Variants in COL4A4 observed in about 807,000 individuals in gnomAD.
The protein encoded by COL4A4 is collagen type IV alpha 4 chain, also known as collagen alpha-4(IV) chain.
Under a neutral mutation model 192.9 loss-of-function variants are expected in COL4A4, and 105 were observed. That is an observed-to-expected ratio of 0.54 (90% CI 0.46 to 0.64). The LOEUF (loss-of-function observed/expected upper bound fraction) is 0.64. Ranked by LOEUF, COL4A4 falls within the 30% of genes least tolerant of loss-of-function variation. The pLI is 0.00. For missense variants in COL4A4, 1,967 were observed against 2,169.3 expected (o/e 0.91, Z 1.85); for synonymous variants, 762 against 769.9 (o/e 0.99, Z 0.17).
intron 19 of COL4A4, among the ~76,000 whole-genome samples, chr2:227,097,619 T>A (rs867244086): frequency 6.6e-6 from 1 of 152,198 alleles, no homozygotes; most frequent in Non-Finnish European, 1.5e-5. Flanking sequence ...ACAAGCCTGA[T>A]TGGAGAATTC....
chr2:227,067,623 T>G (rs1403583533), intron 25 of COL4A4, among the ~76,000 whole-genome samples: 3 of 151,714 alleles, frequency 2.0e-5, no homozygotes, highest in Non-Finnish European at 4.4e-5. Flanking sequence ...GACTACTGGG[T>G]ACATAACGAA....
intron 32 of COL4A4, 107 bp from the exon 33 acceptor site, chr2:227,051,265 A>G: frequency 8.5e-7 from 1 of 1,178,822 alleles, no homozygotes; most frequent in African/African-American, 1.5e-5. Flanking sequence ...AAAGGTATTG[A>G]GGATTCTGAT....
rs76580309 is a variant in COL4A4 at position 227,045,837 on chromosome 2, C to G, written c.3289+1638G>C. Among the ~76,000 whole-genome samples, 138 of 41,152 alleles carry G rather than the reference C, an allele frequency of 3.4e-3. 37 individuals are homozygous for G. The highest frequency in any genetic ancestry group is 0.011 in the African/African-American group (94 of 8,808). The allele number at this position is 41,152 out of a possible 152,430, so 27.0% of individuals were successfully genotyped here. On this transcript the variant is annotated intron_variant, in intron 35 of 47. Coordinates refer to ENST00000396625, the MANE Select transcript of COL4A4 (RefSeq NM_000092.5). ...ATATACACATATATATATATACACA[C>G]ATATATATATACACATATATATATA...
At chr2:227,062,306 A>G (rs1399739054) in intron 26 of COL4A4, among the ~76,000 whole-genome samples, 1 of 151,972 alleles carries the variant, frequency 6.6e-6, no homozygotes, top group African/African-American at 2.4e-5. Context: ...GGTAAATTTT[A>G]TTGTACAAAG....
At chr2:227,126,905 G>T (rs901266160) in intron 4 of COL4A4, among the ~76,000 whole-genome samples, 10 of 152,086 alleles carry the variant, frequency 6.6e-5, no homozygotes, top group Non-Finnish European at 1.5e-4. Flanking sequence ...TTTTCATAAG[G>T]TTATAATAGA....
At chr2:227,141,696 G>A (rs1025367107) in intron 3 of COL4A4, among the ~76,000 whole-genome samples, 1 of 152,104 alleles carries the variant, frequency 6.6e-6, no homozygotes, top group Admixed American at 6.5e-5. Flanking sequence ...CAAGCGATTA[G>A]ATAGTTTAAG....
At chr2:227,040,694 T>C (rs1001718431) in intron 37 of COL4A4, among the ~76,000 whole-genome samples, 3 of 150,824 alleles carry the variant, frequency 2.0e-5, no homozygotes, top group South Asian at 2.1e-4. Flanking sequence ...GCCTCCAGAG[T>C]AGATGGGATT....
chr2:227,163,601 T>C (rs1187238817), intron 1 of COL4A4, among the ~76,000 whole-genome samples: 1 of 152,280 alleles, frequency 6.6e-6, no homozygotes, highest in Non-Finnish European at 1.5e-5. Flanking sequence ...CTGGCACATT[T>C]GCATCGCAGG....
intron 4 of COL4A4, among the ~76,000 whole-genome samples, chr2:227,135,510 C>A (rs1422323596): frequency 2.6e-5 from 4 of 152,166 alleles, no homozygotes; most frequent in Non-Finnish European, 5.9e-5. Context: ...GGGAGAAAGT[C>A]TAGGGTTGGG....
At chr2:227,063,997 G>T (rs941078072) in intron 25 of COL4A4, among the ~76,000 whole-genome samples, 3 of 152,042 alleles carry the variant, frequency 2.0e-5, no homozygotes, top group African/African-American at 4.8e-5. Flanking sequence ...GTTTAACAAG[G>T]TACAAGGTTT....
intron 36 of COL4A4, 126 bp from the exon 37 acceptor site, chr2:227,042,381 A>G: frequency 3.0e-6 from 2 of 672,950 alleles, no homozygotes; most frequent in South Asian, 3.2e-5. Context: ...TTCTTCCTAT[A>G]CATCTTAACT....
intron 22 of COL4A4, among the ~76,000 whole-genome samples, chr2:227,083,343 A>G (rs2059420869): frequency 1.3e-5 from 2 of 152,234 alleles, no homozygotes; most frequent in African/African-American, 2.4e-5. Context: ...AGTGATATCA[A>G]TAATCAAAAA....
intron 30 of COL4A4, among the ~76,000 whole-genome samples, 166 bp downstream of exon 30, chr2:227,055,779 T>C (rs1975188543): frequency 6.6e-6 from 1 of 152,092 alleles, no homozygotes; most frequent in Admixed American, 6.5e-5. Flanking sequence ...ATTTCGCCAC[T>C]GGAAATAACG....
At chr2:227,091,739 G>T (rs1189366045) in intron 20 of COL4A4, among the ~76,000 whole-genome samples, 1 of 151,658 alleles carries the variant, frequency 6.6e-6, no homozygotes, top group Admixed American at 6.6e-5. Flanking sequence ...ACTAAAAAAT[G>T]CAAAAAATTA....
At chr2:226,971,037 G>A in the COL4A4 span, among the ~76,000 whole-genome samples, 17 of 152,258 alleles carry the variant, frequency 1.1e-4, no homozygotes, top group Admixed American at 8.5e-4. Flanking sequence ...GGTACATTTC[G>A]TAGACACTTA....
At chr2:227,102,901 AGGGAAAGCAATATTTCAGCAATAG>A in intron 14 of COL4A4, 53 bp from the exon 15 acceptor site, 2 of 192,164 alleles carry the variant, frequency 1.0e-5, no homozygotes, top group South Asian at 1.1e-4. Flanking sequence ...TTTCAGCAAT[AGGGAAAGCAATATTTCAGCAATAG>A]GGAAAAAAAA....
chr2:227,131,884 G>C lies in COL4A4; in HGVS notation c.192+8277C>G, dbSNP rs902571183. Among the ~76,000 whole-genome samples the C allele has an allele frequency of 2.0e-5, 3 of 152,302 alleles. No individual in the cohort carries two copies. In the East Asian group the frequency reaches 5.8e-4, roughly 29 times the overall value. On this transcript the variant is annotated intron_variant, in intron 4 of 47. Transcript: ENST00000396625. ...CCGCTAGGAACCAAGGAATGCCAAG[G>C]ACTGCTGACACCAGAAGGAGTGGAA...
At chr2:227,119,696 T>A (rs1337752670) in intron 6 of COL4A4, among the ~76,000 whole-genome samples, 199 bp downstream of exon 6, 1 of 148,772 alleles carries the variant, frequency 6.7e-6, no homozygotes, top group Non-Finnish European at 1.5e-5. Flanking sequence ...ATCTTTTATA[T>A]ATGTAGATAT....
chr2:227,022,248 A>G, intron 43 of COL4A4, 75 bp from the exon 44 acceptor site: 1 of 1,561,522 alleles, frequency 6.4e-7, no homozygotes, highest in Non-Finnish European at 8.8e-7. Context: ...CTCTGGTTAA[A>G]GTTGGACTTC....
Sources: gnomAD v4.1 joint callset for allele counts (sites outside exome capture counted in the v4.1 genomes callset) on GRCh38, gnomAD v4.1.1 for gene constraint, MANE v1.5 for transcripts, NCBI Gene and HGNC (gene_info 2026-07-23, HGNC 2026-07-21) for gene names.